The following ACTR3C variants were observed in gnomAD, a reference collection of about 807,000 sequenced individuals.
ACTR3C encodes the protein actin-related protein 3C.
Under a neutral mutation model 26.3 loss-of-function variants are expected in ACTR3C, and 18 were observed. The observed-to-expected ratio is 0.68, with a 90% CI of 0.47 to 1.01. The LOEUF is 1.01. Ranked by LOEUF, ACTR3C falls within the 50% of genes least tolerant of loss-of-function variation. The pLI is 0.00. For synonymous variants in ACTR3C, 55 were observed against 94.5 expected, an observed-to-expected ratio of 0.58 and a Z score of 2.42; for missense variants, 184 against 250.7, an observed-to-expected ratio of 0.73 and a Z score of 1.80.
the ACTR3C span, among the ~76,000 whole-genome samples, chr7:150,026,909 C>T: frequency 6.6e-6 from 1 of 152,094 alleles, no homozygotes; most frequent in Non-Finnish European, 1.5e-5. Context: ...ACAAAAATGT[C>T]ATAAAATAAT....
downstream of ACTR3C, among the ~76,000 whole-genome samples, chr7:150,239,290 CT>C (rs1417856395): frequency 6.7e-6 from 1 of 148,408 alleles, no homozygotes; most frequent in Non-Finnish European, 1.5e-5. Context: ...GACCTGCACA[CT>C]TTAGCACAGA....
the ACTR3C span, among the ~76,000 whole-genome samples, chr7:150,210,124 C>G: frequency 0.059 from 8,937 of 151,698 alleles, 848 homozygotes; most frequent in African/African-American, 0.21. Context: ...GTGTAAAATG[C>G]TTAACATCAT....
the ACTR3C span, among the ~76,000 whole-genome samples, chr7:150,071,318 G>A: frequency 0.091 from 13,518 of 148,648 alleles, 1,781 homozygotes; most frequent in African/African-American, 0.3. Context: ...TAGAGACGGG[G>A]TTTCACCATG....
the ACTR3C span, among the ~76,000 whole-genome samples, chr7:150,199,745 A>C: frequency 6.9e-6 from 1 of 144,166 alleles, no homozygotes; most frequent in Non-Finnish European, 1.5e-5. Context: ...AAAAAAAAAA[A>C]AACATAGTAC....
chr7:150,216,312 C>A, the ACTR3C span, among the ~76,000 whole-genome samples: 2 of 152,112 alleles, frequency 1.3e-5, no homozygotes, highest in Non-Finnish European at 2.9e-5. Context: ...TGGGGATTTT[C>A]TTAACAATTA....
chr7:150,106,647 A>C, the ACTR3C span, among the ~76,000 whole-genome samples: 1 of 134,294 alleles, frequency 7.4e-6, no homozygotes, highest in Non-Finnish European at 1.6e-5. Flanking sequence ...TTCCAGATCT[A>C]GTACTGGATA....
chr7:149,997,547 A>G, the ACTR3C span, among the ~76,000 whole-genome samples: 1 of 152,086 alleles, frequency 6.6e-6, no homozygotes, highest in Non-Finnish European at 1.5e-5. Context: ...TTTGTGAATG[A>G]CGGGATTATT....
chr7:150,047,522 C>G, the ACTR3C span: 1,134 of 702,746 alleles, frequency 1.6e-3, 15 homozygotes, highest in African/African-American at 0.021. Context: ...TGATTCCCCC[C>G]CCCACAGATG....
At chr7:149,935,894 C>T in the ACTR3C span, among the ~76,000 whole-genome samples, 2 of 152,152 alleles carry the variant, frequency 1.3e-5, no homozygotes, top group East Asian at 3.9e-4. Flanking sequence ...CTCCTGACTG[C>T]CCCTGAGTAG....
chr7:150,012,756 G>C, the ACTR3C span, among the ~76,000 whole-genome samples: 1 of 150,202 alleles, frequency 6.7e-6, no homozygotes, highest in African/African-American at 2.4e-5. Context: ...TCATCAATTT[G>C]TTGTTAGGTT....
chr7:150,320,829 T>A (rs1031688372), intron 1 of ACTR3C, among the ~76,000 whole-genome samples: 5 of 152,246 alleles, frequency 3.3e-5, no homozygotes, highest in South Asian at 2.1e-4. Context: ...AAACATCTTG[T>A]GATCAAGAGT....
intron 1 of ACTR3C, among the ~76,000 whole-genome samples, chr7:150,306,160 C>A (rs558201394): frequency 6.6e-6 from 1 of 152,278 alleles, no homozygotes; most frequent in African/African-American, 2.4e-5. Flanking sequence ...CCATTTTTAG[C>A]AAATGGCCTT....
chr7:149,965,156 C>A, the ACTR3C span, among the ~76,000 whole-genome samples: 1 of 149,398 alleles, frequency 6.7e-6, no homozygotes, highest in African/African-American at 2.5e-5. Context: ...TTATTCTTTT[C>A]TCCTTGAGCA....
the ACTR3C span, among the ~76,000 whole-genome samples, chr7:149,928,067 G>C: frequency 6.6e-6 from 1 of 152,120 alleles, no homozygotes; most frequent in African/African-American, 2.4e-5. Flanking sequence ...ACACTAATGA[G>C]TGTAATTTGA....
chr7:150,019,389 C>T, the ACTR3C span, among the ~76,000 whole-genome samples: 1 of 149,434 alleles, frequency 6.7e-6, no homozygotes, highest in Non-Finnish European at 1.5e-5. Flanking sequence ...GTCAAGAGAT[C>T]GAGACCATCC....
chr7:150,291,556 T>C (rs1233917745), intron 3 of ACTR3C, among the ~76,000 whole-genome samples: 1 of 152,270 alleles, frequency 6.6e-6, no homozygotes, highest in Non-Finnish European at 1.5e-5. Flanking sequence ...ATGACTAATG[T>C]AATTTTTATA....
At chr7:150,072,891 A>G in the ACTR3C span, among the ~76,000 whole-genome samples, 1 of 152,000 alleles carries the variant, frequency 6.6e-6, no homozygotes, top group Admixed American at 6.6e-5. Flanking sequence ...GGATAAGGGG[A>G]AGAAGGGACA....
chr7:150,179,116 C>T, the ACTR3C span, among the ~76,000 whole-genome samples: 23 of 145,436 alleles, frequency 1.6e-4, 1 homozygote, highest in African/African-American at 6.0e-4. Context: ...TTAATACAGT[C>T]ATTGACTATA....
At chr7:150,116,477 T>C in the ACTR3C span, among the ~76,000 whole-genome samples, 1 of 152,220 alleles carries the variant, frequency 6.6e-6, no homozygotes, top group African/African-American at 2.4e-5. Context: ...CTTTAGGCCC[T>C]CCTGTGAAAT....
Sources: gnomAD v4.1 joint callset for allele counts (sites outside exome capture counted in the v4.1 genomes callset) on GRCh38, gnomAD v4.1.1 for gene constraint, MANE v1.5 for transcripts, NCBI Gene and HGNC (gene_info 2026-07-23, HGNC 2026-07-21) for gene names.